SRL: variants seen among roughly 807,000 people sequenced by gnomAD.
The protein encoded by SRL is sarcalumenin.
A neutral mutation model predicts 39.5 loss-of-function variants in SRL; 23 were observed. The ratio of observed to expected loss-of-function variants is 0.58; its 90% CI spans 0.42 to 0.82. SRL has a LOEUF of 0.82. Ranked by LOEUF, SRL falls within the 40% of genes least tolerant of loss-of-function variation. The pLI, the probability that SRL is intolerant of heterozygous loss-of-function variation, is 0.00. For missense variants in SRL, 592 were observed against 607.8 expected (o/e 0.97, Z 0.27); for synonymous variants, 272 against 237.4 (o/e 1.15, Z -1.34).
intron 1 of SRL, among the ~76,000 whole-genome samples, chr16:4,221,222 G>C (rs1211989858): frequency 6.6e-6 from 1 of 151,962 alleles, no homozygotes; most frequent in African/African-American, 2.4e-5. Flanking sequence ...CTAATTTTTT[G>C]TATTTTTAGT....
At chr16:4,228,703 C>G (rs2052624395) in intron 1 of SRL, among the ~76,000 whole-genome samples, 1 of 151,776 alleles carries the variant, frequency 6.6e-6, no homozygotes, top group Non-Finnish European at 1.5e-5. Flanking sequence ...CCACTGCACT[C>G]CAGCCTGGGT....
At chr16:4,239,249 A>G (rs1017538182) in intron 1 of SRL, among the ~76,000 whole-genome samples, 2 of 152,154 alleles carry the variant, frequency 1.3e-5, no homozygotes, top group South Asian at 2.1e-4. Flanking sequence ...CTTGTCTCAC[A>G]TGGCGGGCAC....
chr16:4,223,421 C>T (rs1249305698), intron 1 of SRL, among the ~76,000 whole-genome samples: 3 of 151,894 alleles, frequency 2.0e-5, no homozygotes, highest in African/African-American at 4.8e-5. Context: ...TCTGTCACTC[C>T]AGCTGGAGTG....
intron 1 of SRL, among the ~76,000 whole-genome samples, chr16:4,219,259 AGGG>A (rs1344036772): frequency 6.6e-6 from 1 of 152,236 alleles, no homozygotes; most frequent in African/African-American, 2.4e-5. Context: ...GTCTTCCCAT[AGGG>A]GGCCCAGACA....
chr16:4,230,600 G>A (rs1212189048), intron 1 of SRL, among the ~76,000 whole-genome samples: 1 of 151,730 alleles, frequency 6.6e-6, no homozygotes, highest in Non-Finnish European at 1.5e-5. Context: ...TGTTGGCCAG[G>A]CTGGTCTTGA....
chr16:4,218,749 G>T (rs2052488979), intron 1 of SRL, among the ~76,000 whole-genome samples: 1 of 152,224 alleles, frequency 6.6e-6, no homozygotes. Context: ...AGCCGGGGAG[G>T]TGTCCTCAGC....
chr16:4,200,040 A>G (rs1180298346), intron 3 of SRL, among the ~76,000 whole-genome samples: 1 of 152,210 alleles, frequency 6.6e-6, no homozygotes, highest in Middle Eastern at 3.4e-3. Context: ...CCTCTTCTGT[A>G]TCTTGCCTTC....
chr16:4,228,609 C>T lies in SRL; in HGVS notation c.61+13398G>A, dbSNP rs149038534. ...AATTAGTCAGGCGTGGTGGCGGGCA[C>T]CTGTAGTCCCAGCTACTCGGGAGGT... On this transcript the variant is annotated intron_variant, in intron 1 of 5. Transcript: ENST00000399609. Among the ~76,000 whole-genome samples the T allele has an allele frequency of 6.3e-3, 960 of 151,908 alleles. 16 individuals carry two copies. The highest frequency in any genetic ancestry group is 0.056 in the East Asian group (288 of 5,154).
intron 2 of SRL, 46 bp from the exon 3 acceptor site, chr16:4,203,307 C>A (rs2052264120): frequency 1.3e-6 from 2 of 1,533,578 alleles, no homozygotes; most frequent in Non-Finnish European, 1.8e-6. Flanking sequence ...CAGGTGCGAT[C>A]CAGGCAGCTC....
intron 1 of SRL, among the ~76,000 whole-genome samples, chr16:4,227,553 G>C (rs2052607423): frequency 6.6e-6 from 1 of 151,912 alleles, no homozygotes; most frequent in Non-Finnish European, 1.5e-5. Flanking sequence ...ATGGATGGGT[G>C]GATGGATGGA....
At chr16:4,197,421 C>CTTCTTTTTTTTTT (rs71394661) in intron 4 of SRL, among the ~76,000 whole-genome samples, 1 of 107,568 alleles carries the variant, frequency 9.3e-6, no homozygotes, top group African/African-American at 3.8e-5. Context: ...CTTTTCTTTC[C>CTTCTTTTTTTTTT]TTTTTTTTTT....
In SRL at chr16:4,204,639, G is replaced by GGA. The variant is rs761606223; in HGVS notation, c.62-7_62-6dup. ...CATTTGCATCCTCCGTCTCTTCTGT[G>GGA]GAGAGAAGCAGACAGCCAAGTGAGA... On this transcript the variant is annotated splice_region_variant and splice_polypyrimidine_tract_variant and intron_variant, in intron 1 of 5. Coordinates refer to ENST00000399609, the MANE Select transcript of SRL (RefSeq NM_001098814.2). 247 of 1,613,602 alleles carry GGA rather than the reference G, an allele frequency of 1.5e-4. No homozygotes were observed. Among genetic ancestry groups the GGA allele is most frequent in the Non-Finnish European group, 2.0e-4 (241 of 1,179,712 alleles).
chr16:4,224,214 C>G (rs1421951772), intron 1 of SRL, among the ~76,000 whole-genome samples: 1 of 151,980 alleles, frequency 6.6e-6, no homozygotes, highest in East Asian at 1.9e-4. Context: ...GCAGTGGGAC[C>G]TCAAGCAAGT....
Position 4,192,866 on chromosome 16 carries a change from C to T in SRL, c.709G>A (p.Glu237Lys). 6.2e-7 allele frequency: 1 copy of T among 1,614,170 alleles called. No individual in the cohort carries two copies. Residue 237 changes from glutamate (E) to lysine (K), a missense_variant, in exon 6 of 6, where the codon GAG becomes AAG. By Grantham distance (56) the Glu-to-Lys change is moderately conservative (BLOSUM62 1). Coordinates refer to ENST00000399609, the MANE Select transcript of SRL (RefSeq NM_001098814.2). This position sits in a 1 kb window ranked among gnomAD's most constrained non-coding sequence, Gnocchi z 4.0. The stretch of plus-strand genomic sequence containing the variant: ...CCCTTCAACTGGCGGAAGAGCATCT[C>T]CAGCTCTAGACCCACATCCAGCTTT... ...PTKLDVGLEL[E>K]MLFRQLKGRE...
At chr16:4,219,409 CAG>C (rs2052496121) in intron 1 of SRL, among the ~76,000 whole-genome samples, 1 of 152,228 alleles carries the variant, frequency 6.6e-6, no homozygotes, top group Non-Finnish European at 1.5e-5. Flanking sequence ...TGGTGAGTCT[CAG>C]AGGGCTGTGT....
intron 1 of SRL, among the ~76,000 whole-genome samples, chr16:4,209,564 C>A (rs577773849): frequency 2.0e-5 from 3 of 152,204 alleles, no homozygotes; most frequent in Non-Finnish European, 2.9e-5. Flanking sequence ...TCTTGGAGTA[C>A]CCCTTCTCCC....
intron 1 of SRL, among the ~76,000 whole-genome samples, chr16:4,214,244 C>T (rs960563082): frequency 6.6e-6 from 1 of 152,172 alleles, no homozygotes; most frequent in African/African-American, 2.4e-5. Context: ...GATTCTATTC[C>T]AGCCCGTCCA....
intron 1 of SRL, among the ~76,000 whole-genome samples, chr16:4,232,229 G>T (rs145627075): frequency 1.3e-5 from 2 of 152,332 alleles, no homozygotes; most frequent in Non-Finnish European, 2.9e-5. Flanking sequence ...GGTCTCCCCA[G>T]GACAGGGTGA....
intron 1 of SRL, among the ~76,000 whole-genome samples, chr16:4,235,645 G>A (rs1344803016): frequency 1.3e-5 from 2 of 152,144 alleles, no homozygotes; most frequent in African/African-American, 2.4e-5. Context: ...AGGCTGCAGT[G>A]AGCTATGATT....
Sources: gnomAD v4.1 joint callset for allele counts (sites outside exome capture counted in the v4.1 genomes callset) on GRCh38, gnomAD v4.1.1 for gene constraint, Gnocchi (gnomAD v3.1) non-coding constraint, MANE v1.5 for transcripts, NCBI Gene and HGNC (gene_info 2026-07-23, HGNC 2026-07-21) for gene names.